The following RPH3A variants were observed in gnomAD, a reference collection of about 807,000 sequenced individuals.
RPH3A encodes the protein rabphilin-3A.
In RPH3A, 48 loss-of-function variants were observed where a neutral mutation model predicts 102.2. The ratio of observed to expected loss-of-function variants is 0.47; its 90% CI spans 0.37 to 0.60. The LOEUF (loss-of-function observed/expected upper bound fraction) is 0.60. RPH3A is among the 20% of genes least tolerant of loss of function. RPH3A has a pLI of 0.00. For synonymous variants in RPH3A, 310 were observed against 324.3 expected (o/e 0.96, Z 0.47); for missense variants, 781 against 910.1 (o/e 0.86, Z 1.83).
intron 1 of RPH3A, among the ~76,000 whole-genome samples, chr12:112,779,732 C>G (rs747348962): frequency 6.6e-6 from 1 of 152,078 alleles, no homozygotes; most frequent in Non-Finnish European, 1.5e-5. Context: ...AATAATGTCC[C>G]CCTAAAATCC....
intron 1 of RPH3A, among the ~76,000 whole-genome samples, chr12:112,685,561 C>T (rs1008611056): frequency 6.6e-6 from 1 of 152,194 alleles, no homozygotes; most frequent in African/African-American, 2.4e-5. Flanking sequence ...CAAGGAGTCA[C>T]TACCTGGTTC....
upstream of RPH3A, among the ~76,000 whole-genome samples, chr12:112,787,196 C>T (rs1356890958): frequency 6.6e-6 from 1 of 152,240 alleles, no homozygotes; most frequent in Non-Finnish European, 1.5e-5. Context: ...AGATCCTCAA[C>T]TTCATCACAC....
chr12:112,894,566 G>A lies in RPH3A; in HGVS notation c.1776-12G>A, dbSNP rs377596496. 5 of 1,613,140 alleles carry A rather than the reference G, an allele frequency of 3.1e-6. No individual in the cohort carries two copies. In the African/African-American group the frequency reaches 6.7e-5, roughly 22 times the overall value. On this transcript the variant is annotated splice_polypyrimidine_tract_variant and intron_variant, in intron 19 of 21. Coordinates refer to ENST00000389385, the MANE Select transcript of RPH3A (RefSeq NM_001143854.2). ...AACGTCATCCATAATAGCATGTTGT[G>A]TCGCCTCCCAGCTGGCTGAAACCGG...
At chr12:112,751,645 G>T (rs371235521) in intron 1 of RPH3A, among the ~76,000 whole-genome samples, 2 of 152,168 alleles carry the variant, frequency 1.3e-5, no homozygotes, top group Non-Finnish European at 2.9e-5. Flanking sequence ...GGCTGGGCAT[G>T]GTAGCTCATG....
chr12:112,725,400 GA>G (rs1390391741), intron 1 of RPH3A, among the ~76,000 whole-genome samples: 1 of 152,168 alleles, frequency 6.6e-6, no homozygotes, highest in African/African-American at 2.4e-5. Context: ...GGGGAGAAAG[GA>G]AAGGAGCGTT....
rs73429641 is a variant in RPH3A, at chr12:112,579,883, C to T, written c.-140+4564C>T. Among the ~76,000 whole-genome samples, 292 of 152,318 alleles carry T rather than the reference C, an allele frequency of 1.9e-3. 1 individual carries two copies. The highest frequency in any genetic ancestry group is 6.6e-3 in the African/African-American group (275 of 41,572). ...TAGCTGGGACCACAGGTGTGCACCA[C>T]CATAGCTGGCCAAGTTGTTTCTTAT... On this transcript the variant is annotated intron_variant, in intron 1 of 21. Transcript: ENST00000543106.
intron 1 of RPH3A, among the ~76,000 whole-genome samples, chr12:112,611,292 A>G (rs1356503155): frequency 6.6e-6 from 1 of 152,224 alleles, no homozygotes; most frequent in African/African-American, 2.4e-5. Context: ...TTATGAGTTT[A>G]GACAAATGAA....
chr12:112,711,035 A>G (rs978654970), intron 1 of RPH3A, among the ~76,000 whole-genome samples: 6 of 152,212 alleles, frequency 3.9e-5, no homozygotes, highest in Non-Finnish European at 7.3e-5. Flanking sequence ...GGCAGCAACA[A>G]CTATTCTTTC....
intron 1 of RPH3A, among the ~76,000 whole-genome samples, chr12:112,641,904 A>G (rs1226237730): frequency 1.3e-5 from 2 of 152,122 alleles, no homozygotes; most frequent in Non-Finnish European, 2.9e-5. Flanking sequence ...TGACTCAGTT[A>G]ATCTTTGCAA....
At chr12:112,632,977 G>C (rs1247245426) in intron 1 of RPH3A, among the ~76,000 whole-genome samples, 1 of 152,018 alleles carries the variant, frequency 6.6e-6, no homozygotes, top group Non-Finnish European at 1.5e-5. Context: ...AGGATGACTT[G>C]AGTCCAGGAG....
chr12:112,812,063 A>G (rs2041586228), intron 2 of RPH3A, among the ~76,000 whole-genome samples: 2 of 152,124 alleles, frequency 1.3e-5, no homozygotes, highest in Admixed American at 6.5e-5. Context: ...AAAAAAAAAA[A>G]AGAGCATCTC....
At chr12:112,735,889 A>G (rs116388193) in intron 1 of RPH3A, among the ~76,000 whole-genome samples, 2 of 152,014 alleles carry the variant, frequency 1.3e-5, no homozygotes, top group Admixed American at 6.5e-5. Flanking sequence ...ACCCTACTTT[A>G]TTACTCATGC....
intron 1 of RPH3A, among the ~76,000 whole-genome samples, chr12:112,584,741 G>T (rs2039426240): frequency 6.6e-6 from 1 of 152,190 alleles, no homozygotes; most frequent in South Asian, 2.1e-4. Flanking sequence ...CGGAAGGAAT[G>T]AACAAAACTG....
chr12:112,864,534 A>G (rs1337782541), intron 5 of RPH3A, among the ~76,000 whole-genome samples: 4 of 152,092 alleles, frequency 2.6e-5, no homozygotes, highest in Admixed American at 1.3e-4. Flanking sequence ...CAGAGAGATC[A>G]CAAGTGTGTG....
chr12:112,824,226 C>T (rs2041829419), intron 2 of RPH3A, among the ~76,000 whole-genome samples: 1 of 152,232 alleles, frequency 6.6e-6, no homozygotes, highest in Admixed American at 6.5e-5. Flanking sequence ...TGGCAGCACA[C>T]AGCCGTCTTG....
At chr12:112,837,859 C>T (rs1189173988) in intron 4 of RPH3A, 2 of 454,014 alleles carry the variant, frequency 4.4e-6, no homozygotes, top group Admixed American at 2.4e-5. Flanking sequence ...AGGCTCCTCC[C>T]CTCCTTCCCT....
chr12:112,825,273 A>G (rs2041847528), intron 2 of RPH3A, among the ~76,000 whole-genome samples: 1 of 152,236 alleles, frequency 6.6e-6, no homozygotes, highest in Non-Finnish European at 1.5e-5. Flanking sequence ...ACATGGGAGC[A>G]GATGAAATAG....
chr12:112,589,999 C>T (rs1054196948), intron 1 of RPH3A, among the ~76,000 whole-genome samples: 2 of 151,318 alleles, frequency 1.3e-5, no homozygotes, highest in Non-Finnish European at 2.9e-5. Context: ...AGGAGGATCG[C>T]TTGAACCCAG....
chr12:112,858,807 C>T (rs568810105), intron 5 of RPH3A, among the ~76,000 whole-genome samples: 2 of 152,314 alleles, frequency 1.3e-5, no homozygotes, highest in South Asian at 2.1e-4. Flanking sequence ...TGCTTCTCAC[C>T]ACCTCCAGAG....
Sources: allele counts gnomAD v4.1 joint callset (sites outside exome capture counted in the v4.1 genomes callset), GRCh38; gene constraint gnomAD v4.1.1; transcripts MANE v1.5; gene names NCBI Gene and HGNC (gene_info 2026-07-23, HGNC 2026-07-21).